The following LRRTM3 variants were observed in gnomAD, a reference collection of about 807,000 sequenced individuals.
LRRTM3 encodes the protein leucine-rich repeat transmembrane neuronal protein 3.
A neutral mutation model predicts 44.7 loss-of-function variants in LRRTM3; 24 were observed. The observed-to-expected ratio is 0.54, with a 90% CI of 0.39 to 0.76. The LOEUF is 0.76. Ranked by LOEUF, LRRTM3 falls within the 30% of genes least tolerant of loss-of-function variation. LRRTM3 has a pLI of 0.00. For missense variants in LRRTM3, 587 were observed against 702.2 expected (o/e 0.84, Z 1.85); for synonymous variants, 277 against 278.7 (o/e 0.99, Z 0.06).
chr10:66,985,125 C>G (rs1850654392), intron 2 of LRRTM3, among the ~76,000 whole-genome samples: 1 of 152,130 alleles, frequency 6.6e-6, no homozygotes, highest in African/African-American at 2.4e-5. Flanking sequence ...TTCTGCAAGA[C>G]TAACATTATC....
intron 2 of LRRTM3, among the ~76,000 whole-genome samples, chr10:67,012,814 G>A (rs879765398): frequency 3.9e-5 from 6 of 151,992 alleles, no homozygotes; most frequent in African/African-American, 7.3e-5. Context: ...TATTAAAAGC[G>A]ATCCTAGAAA....
At chr10:67,082,914 A>G (rs555384780) in intron 2 of LRRTM3, among the ~76,000 whole-genome samples, 9 of 152,252 alleles carry the variant, frequency 5.9e-5, no homozygotes, top group African/African-American at 2.2e-4. Flanking sequence ...CCCACCTCCT[A>G]TATTAACTAC....
Position 67,097,841 on chromosome 10 carries a change from T to A in LRRTM3, c.*45T>A. On this transcript the variant is annotated 3_prime_UTR_variant, in exon 3 of 3. Transcript: ENST00000361320. The stretch of plus-strand genomic sequence containing the variant: ...GGGGTTGCTACCAAACTTTGTAACC[T>A]CAAGGACAAAATGAGGAAGATGTGT... The A allele has an allele frequency of 6.4e-7, 1 of 1,560,294 alleles. No homozygotes were observed. The highest frequency in any genetic ancestry group is 2.2e-5 in the East Asian group (1 of 44,500).
intron 2 of LRRTM3, among the ~76,000 whole-genome samples, chr10:66,980,864 A>T (rs1850387599): frequency 6.6e-6 from 1 of 152,066 alleles, no homozygotes; most frequent in African/African-American, 2.4e-5. Flanking sequence ...CTTCTCACAC[A>T]TTGATCACTT....
intron 2 of LRRTM3, among the ~76,000 whole-genome samples, chr10:66,988,094 G>A (rs1001516960): frequency 1.3e-5 from 2 of 152,108 alleles, no homozygotes; most frequent in African/African-American, 4.8e-5. Flanking sequence ...ATAGTATCAT[G>A]AAGGAACACA....
intron 2 of LRRTM3, among the ~76,000 whole-genome samples, chr10:66,976,758 A>G (rs1850058200): frequency 6.6e-6 from 1 of 152,140 alleles, no homozygotes; most frequent in Non-Finnish European, 1.5e-5. Context: ...TATTCATTTC[A>G]TCTAGAGTAA....
chr10:67,003,870 A>G (rs1851818420), intron 2 of LRRTM3, among the ~76,000 whole-genome samples: 1 of 152,202 alleles, frequency 6.6e-6, no homozygotes, highest in Non-Finnish European at 1.5e-5. Context: ...TGCATCAGCC[A>G]AAGTGCAGCA....
At chr10:66,972,564 C>T (rs1201076673) in intron 2 of LRRTM3, among the ~76,000 whole-genome samples, 1 of 152,060 alleles carries the variant, frequency 6.6e-6, no homozygotes, top group African/African-American at 2.4e-5. Context: ...TTAACAGGCC[C>T]ATCCAGATTG....
chr10:66,950,950 C>T (rs1848507591), intron 2 of LRRTM3, among the ~76,000 whole-genome samples: 2 of 152,122 alleles, frequency 1.3e-5, no homozygotes, highest in Admixed American at 1.3e-4. Context: ...CCTCTCTTGT[C>T]ACTGTGCAGA....
chr10:66,980,417 A>G (rs1368479930), intron 2 of LRRTM3, among the ~76,000 whole-genome samples: 1 of 151,408 alleles, frequency 6.6e-6, no homozygotes, highest in Non-Finnish European at 1.5e-5. Context: ...AGAAAAGAGA[A>G]CCCTGGCACT....
intron 2 of LRRTM3, among the ~76,000 whole-genome samples, chr10:67,070,346 A>T (rs1856370435): frequency 1.3e-5 from 2 of 152,064 alleles, no homozygotes; most frequent in South Asian, 4.1e-4. Flanking sequence ...CCACTCTGTG[A>T]CTGTCTTTTC....
chr10:67,073,231 G>T (rs952126177), intron 2 of LRRTM3, among the ~76,000 whole-genome samples: 1 of 152,074 alleles, frequency 6.6e-6, no homozygotes, highest in Non-Finnish European at 1.5e-5. Context: ...TGACCTACTT[G>T]AAAATCAAAG....
intron 2 of LRRTM3, among the ~76,000 whole-genome samples, chr10:67,087,565 T>A (rs1255073894): frequency 6.6e-6 from 1 of 151,798 alleles, no homozygotes; most frequent in Admixed American, 6.6e-5. Context: ...TAAATAAAAA[T>A]AATAAAGGAT....
chr10:67,001,814 C>T (rs778823422), intron 2 of LRRTM3, among the ~76,000 whole-genome samples: 3 of 152,092 alleles, frequency 2.0e-5, no homozygotes, highest in Non-Finnish European at 2.9e-5. Flanking sequence ...AGAAACCCAC[C>T]AGTTTCTACT....
intron 2 of LRRTM3, among the ~76,000 whole-genome samples, chr10:67,092,931 GCAT>G (rs1336345038): frequency 2.6e-5 from 4 of 151,914 alleles, no homozygotes; most frequent in Non-Finnish European, 5.9e-5. Flanking sequence ...TATTACAATA[GCAT>G]ATAACGATTT....
chr10:67,010,002 G>A (rs982331474), intron 2 of LRRTM3, among the ~76,000 whole-genome samples: 2 of 152,086 alleles, frequency 1.3e-5, no homozygotes, highest in African/African-American at 4.8e-5. Flanking sequence ...CTGTCCTGGA[G>A]GCTTTAGGGA....
chr10:67,038,805 T>A (rs910126656), intron 2 of LRRTM3, among the ~76,000 whole-genome samples: 1 of 152,072 alleles, frequency 6.6e-6, no homozygotes, highest in Non-Finnish European at 1.5e-5. Context: ...GTCTGATACT[T>A]AAAATCTTTA....
intron 2 of LRRTM3, among the ~76,000 whole-genome samples, chr10:67,077,066 C>A (rs192070664): frequency 4.6e-5 from 7 of 152,252 alleles, no homozygotes; most frequent in African/African-American, 1.4e-4. Context: ...CCTCTGAGAC[C>A]TCCTAATCCC....
intron 2 of LRRTM3, among the ~76,000 whole-genome samples, chr10:67,001,579 A>C (rs1851695816): frequency 6.6e-6 from 1 of 152,066 alleles, no homozygotes; most frequent in Admixed American, 6.6e-5. Context: ...ATAATATATC[A>C]TTACTATGTA....
Sources: allele counts gnomAD v4.1 joint callset (sites outside exome capture counted in the v4.1 genomes callset), GRCh38; gene constraint gnomAD v4.1.1; transcripts MANE v1.5; gene names NCBI Gene and HGNC (gene_info 2026-07-23, HGNC 2026-07-21).